OR51E2: variants seen among roughly 807,000 people sequenced by gnomAD.
OR51E2 encodes the protein olfactory receptor 51E2.
Under a neutral mutation model 13.7 loss-of-function variants are expected in OR51E2, and 14 were observed. The ratio of observed to expected loss-of-function variants is 1.02; its 90% CI spans 0.68 to 1.60. The LOEUF is 1.60. Among genes scored for constraint, OR51E2 ranks in the 40% most tolerant of loss-of-function variants. OR51E2 has a pLI of 0.00. For missense variants in OR51E2, 483 were observed against 413.8 expected (o/e 1.17, Z -1.45); for synonymous variants, 180 against 157.6 (o/e 1.14, Z -1.07).
intron 1 of OR51E2, among the ~76,000 whole-genome samples, chr11:4,689,962 T>A (rs1847557768): frequency 6.7e-6 from 1 of 148,316 alleles, no homozygotes; most frequent in Non-Finnish European, 1.5e-5. Flanking sequence ...CTTCTCTCTA[T>A]ATTTATATTT....
intron 1 of OR51E2, among the ~76,000 whole-genome samples, chr11:4,689,448 T>A (rs1355932256): frequency 6.6e-6 from 1 of 152,142 alleles, no homozygotes; most frequent in African/African-American, 2.4e-5. Flanking sequence ...AAGGGCCCTG[T>A]AATAAGGTGC....
rs1011062641 is a variant in OR51E2, at chr11:4,680,319, C to T, written c.*1430G>A. 3 of 152,178 alleles carry T rather than the reference C, an allele frequency of 2.0e-5. No individual in the cohort carries two copies. The highest frequency in any genetic ancestry group is 7.2e-5 in the African/African-American group (3 of 41,404). 9.4% of individuals were successfully genotyped at this position (152,178 alleles called of 1,614,324 possible). On this transcript the variant is annotated 3_prime_UTR_variant, in exon 2 of 2. Transcript: ENST00000396950. ...TAAGAGACAAATAGACAACAACATT[C>T]TCCCTGAATCTGGAAAAAAGCAAGC...
At chr11:4,684,527 G>A (rs1427464671) in intron 1 of OR51E2, among the ~76,000 whole-genome samples, 1 of 152,164 alleles carries the variant, frequency 6.6e-6, no homozygotes, top group Non-Finnish European at 1.5e-5. Context: ...GAAGAAAAGA[G>A]CAGGCATGGA....
intron 1 of OR51E2, among the ~76,000 whole-genome samples, chr11:4,695,294 C>T (rs77970723): frequency 0.045 from 6,919 of 152,252 alleles, 233 homozygotes; most frequent in Non-Finnish European, 0.069. Context: ...TCCTTTCCCT[C>T]TTTAGTATCT....
intron 1 of OR51E2, among the ~76,000 whole-genome samples, chr11:4,693,475 A>T (rs1450147435): frequency 6.6e-6 from 1 of 152,208 alleles, no homozygotes; most frequent in Non-Finnish European, 1.5e-5. Flanking sequence ...TAGTCCCAGC[A>T]CTTTGGGAGG....
At position 4,689,760 on chromosome 11, in the gene OR51E2, G is replaced by A. The variant is rs1463262520; in HGVS notation, c.-50-6999C>T. 2.0e-5 allele frequency among the ~76,000 whole-genome samples: 3 copies of A among 152,054 alleles called. No individual in the cohort carries two copies. The South Asian group carries it at 6.2e-4, about 31-fold the overall frequency. On this transcript the variant is annotated intron_variant, in intron 1 of 1. Coordinates refer to ENST00000396950, the MANE Select transcript of OR51E2 (RefSeq NM_030774.4). ...TTTCTGCTGGGGCAGAATGTTGATGGAGGGTTGACAGAAATGCTGAAATAT... is the reference window on the plus strand; with the variant it reads ...TTTCTGCTGGGGCAGAATGTTGATGAAGGGTTGACAGAAATGCTGAAATAT...
chr11:4,681,927 C>T lies in OR51E2; in HGVS notation c.785G>A (p.Arg262His), dbSNP rs143376710. Residue 262 changes from arginine to histidine, a missense_variant, in exon 2 of 2, where the codon CGC becomes CAC. Coordinates refer to ENST00000396950, the MANE Select transcript of OR51E2 (RefSeq NM_030774.4). The stretch of plus-strand genomic sequence containing the variant: ...AATGGGATGAAGGCTGTTTCCAAAG[C>T]GGTGTACCACTGAGAGGCCAATAAG... ...VPLIGLSVVHRFGNSLHPIVR... is the reference protein window; with the variant it reads ...VPLIGLSVVHHFGNSLHPIVR... 1.1e-5 allele frequency: 17 copies of T among 1,614,026 alleles called. No individual in the cohort carries two copies. Among genetic ancestry groups the T allele is most frequent in the African/African-American group, 4.0e-5 (3 of 75,016 alleles).
At chr11:4,688,716 G>A (rs1458625161) in intron 1 of OR51E2, among the ~76,000 whole-genome samples, 1 of 152,164 alleles carries the variant, frequency 6.6e-6, no homozygotes, top group Non-Finnish European at 1.5e-5. Flanking sequence ...CAAGATGATG[G>A]CTTGCATCAC....
In OR51E2 at chr11:4,682,367, C is replaced by T. The variant is rs1176216880; in HGVS notation, c.345G>A (p.Leu115=). 2 of 1,614,156 alleles carry T rather than the reference C, an allele frequency of 1.2e-6. No homozygotes were observed. Among genetic ancestry groups the T allele is most frequent in the South Asian group, 2.2e-5 (2 of 91,076 alleles). Residue 115 remains leucine, a synonymous_variant, in exon 2 of 2, where the codon CTG becomes CTA. Coordinates refer to ENST00000396950, the MANE Select transcript of OR51E2 (RefSeq NM_030774.4). ...CCACATAACGGTCAAAGGCCATGGC[C>T]AGCAGGATGGTGGATTCAATGGCTG... ...ALSAIESTIL[L]AMAFDRYVAI...
At chr11:4,689,171 T>A (rs1339190356) in intron 1 of OR51E2, among the ~76,000 whole-genome samples, 1 of 152,116 alleles carries the variant, frequency 6.6e-6, no homozygotes, top group East Asian at 1.9e-4. Flanking sequence ...TTGCAACATA[T>A]AAAGATGAAG....
At chr11:4,691,747 A>T (rs1847583520) in intron 1 of OR51E2, 1 of 342,604 alleles carries the variant, frequency 2.9e-6, no homozygotes, top group Non-Finnish European at 5.7e-6. Context: ...AAACAAAAAA[A>T]AGCTACATTC....
intron 1 of OR51E2, chr11:4,692,179 G>A (rs746307023): frequency 8.8e-6 from 4 of 452,816 alleles, no homozygotes; most frequent in Non-Finnish European, 1.8e-5. Context: ...GTGGAAAGCA[G>A]AGAAGCTTAC....
chr11:4,690,187 T>C (rs965535069), intron 1 of OR51E2, among the ~76,000 whole-genome samples: 1 of 151,810 alleles, frequency 6.6e-6, no homozygotes, highest in Non-Finnish European at 1.5e-5. Context: ...CACCAGTTAC[T>C]AGCTGTTTAA....
At chr11:4,688,086 A>T (rs939932025) in intron 1 of OR51E2, among the ~76,000 whole-genome samples, 1 of 152,200 alleles carries the variant, frequency 6.6e-6, no homozygotes, top group Non-Finnish European at 1.5e-5. Context: ...GCTGGGAGAT[A>T]GCATAAATGG....
At chr11:4,694,266 T>C (rs1442467695) in intron 1 of OR51E2, among the ~76,000 whole-genome samples, 1 of 152,000 alleles carries the variant, frequency 6.6e-6, no homozygotes, top group Non-Finnish European at 1.5e-5. Flanking sequence ...ATAGTGTATA[T>C]ATTTTGACCT....
chr11:4,695,226 G>A (rs1373773420), intron 1 of OR51E2, among the ~76,000 whole-genome samples: 1 of 152,146 alleles, frequency 6.6e-6, no homozygotes, highest in Non-Finnish European at 1.5e-5. Flanking sequence ...GAAGCAAGGA[G>A]CTTTGCTTTT....
chr11:4,690,739 G>T (rs950149629), intron 1 of OR51E2: 1 of 386,696 alleles, frequency 2.6e-6, no homozygotes, highest in Non-Finnish European at 5.1e-6. Context: ...GGTCCATCTA[G>T]TGCTAGAATT....
chr11:4,692,258 G>A (rs567707204), intron 1 of OR51E2: 5 of 365,862 alleles, frequency 1.4e-5, no homozygotes, highest in Non-Finnish European at 2.7e-5. Flanking sequence ...CATAGGAAGT[G>A]ACAAATAAAT....
rs1051900597 is a variant in OR51E2, at chr11:4,680,806, T to C, written c.*943A>G. 3.9e-5 allele frequency: 6 copies of C among 152,194 alleles called. No homozygotes were observed. Among genetic ancestry groups the C allele is most frequent in the African/African-American group, 1.4e-4 (6 of 41,444 alleles). The allele number at this position is 152,194 out of a possible 1,614,324, so 9.4% of individuals were successfully genotyped here. ...ATTCCCAGGTAATGCATAATAACAG[T>C]AGAGACTGTGACAAGCCCTGGCTTC... On this transcript the variant is annotated 3_prime_UTR_variant, in exon 2 of 2. Coordinates refer to ENST00000396950, the MANE Select transcript of OR51E2 (RefSeq NM_030774.4).
Sources: allele counts gnomAD v4.1 joint callset (sites outside exome capture counted in the v4.1 genomes callset), GRCh38; gene constraint gnomAD v4.1.1; transcripts MANE v1.5; gene names NCBI Gene and HGNC (gene_info 2026-07-23, HGNC 2026-07-21).